Variants in RIT2 observed in about 807,000 individuals in gnomAD.
The protein encoded by RIT2 is GTP-binding protein Rit2.
Under a neutral mutation model 23.7 loss-of-function variants are expected in RIT2, and 24 were observed. That is an observed-to-expected ratio of 1.01 (90% CI 0.73 to 1.43). RIT2 has a LOEUF of 1.43. Among genes scored for constraint, RIT2 ranks in the 40% most tolerant of loss-of-function variants. The pLI is 0.00. For missense variants in RIT2, 236 were observed against 266.9 expected, an observed-to-expected ratio of 0.88 and a Z score of 0.81; for synonymous variants, 107 against 91.1, an observed-to-expected ratio of 1.17 and a Z score of -0.99.
chr18:42,923,359 A>C (rs1909099445), intron 4 of RIT2: 2 of 545,982 alleles, frequency 3.7e-6, no homozygotes, highest in Non-Finnish European at 6.5e-6. Flanking sequence ...GGGATAGGGC[A>C]CTAGTAAGGG....
chr18:42,989,802 A>G lies in RIT2; in HGVS notation c.161-15655T>C, dbSNP rs116280335. The stretch of plus-strand genomic sequence containing the variant: ...GGCCTTTTTGATTAGATGAGACAAA[A>G]TAATAATTTAAAATATAATACAAGT... On this transcript the variant is annotated intron_variant, in intron 2 of 4. Coordinates refer to ENST00000326695, the MANE Select transcript of RIT2 (RefSeq NM_002930.4). Among the ~76,000 whole-genome samples the G allele has an allele frequency of 8.1e-3, 1,232 of 152,328 alleles. 27 individuals carry two copies. The highest frequency in any genetic ancestry group is 0.028 in the African/African-American group (1,166 of 41,588).
chr18:43,112,734 T>G (rs1039346616), intron 1 of RIT2, among the ~76,000 whole-genome samples: 4 of 152,000 alleles, frequency 2.6e-5, no homozygotes, highest in African/African-American at 7.2e-5. Context: ...TGAGAGCCCA[T>G]CTCTACAAAA....
intron 4 of RIT2, among the ~76,000 whole-genome samples, chr18:42,746,812 T>A (rs1406505139): frequency 6.6e-6 from 1 of 152,030 alleles, no homozygotes; most frequent in Non-Finnish European, 1.5e-5. Context: ...AACATGATAA[T>A]CTCAATAGAT....
intron 1 of RIT2, among the ~76,000 whole-genome samples, chr18:43,101,938 G>A (rs948557446): frequency 8.5e-5 from 13 of 152,078 alleles, no homozygotes; most frequent in African/African-American, 3.1e-4. Flanking sequence ...GACAAAATAG[G>A]AAGGAAAAAC....
At position 43,057,798 on chromosome 18, in the gene RIT2, C is replaced by CTTTTTT. The variant is rs11393575; in HGVS notation, c.104-23937_104-23932dup. Among the ~76,000 whole-genome samples, 209 of 122,666 alleles carry CTTTTTT rather than the reference C, an allele frequency of 1.7e-3. 2 individuals are homozygous for CTTTTTT. Among genetic ancestry groups the CTTTTTT allele is most frequent in the Non-Finnish European group, 1.9e-3 (113 of 58,576 alleles). The allele number at this position is 122,666 out of a possible 152,430, so 80.5% of individuals were successfully genotyped here. On this transcript the variant is annotated intron_variant, in intron 1 of 4. Coordinates refer to ENST00000326695, the MANE Select transcript of RIT2 (RefSeq NM_002930.4). ...GAGCTAATCTTCCAAGTGATGGACA[C>CTTTTTT]TTTTTTTTTTTTTTTTTATCATCTA...
At chr18:42,954,488 G>T (rs1909927166) in intron 3 of RIT2, among the ~76,000 whole-genome samples, 1 of 149,876 alleles carries the variant, frequency 6.7e-6, no homozygotes, top group Admixed American at 6.7e-5. Flanking sequence ...TTCCAAAAAA[G>T]AAAATAGAGA....
intron 2 of RIT2, among the ~76,000 whole-genome samples, chr18:43,018,682 G>A (rs1911529985): frequency 6.6e-6 from 1 of 151,856 alleles, no homozygotes; most frequent in African/African-American, 2.4e-5. Context: ...AAACCTGCCA[G>A]CCAATAATAA....
chr18:43,011,551 T>C (rs1911351569), intron 2 of RIT2, among the ~76,000 whole-genome samples: 1 of 151,832 alleles, frequency 6.6e-6, no homozygotes, highest in Non-Finnish European at 1.5e-5. Flanking sequence ...ATTAAAATTA[T>C]TAAATTCTTA....
intron 4 of RIT2, among the ~76,000 whole-genome samples, chr18:42,827,447 T>C (rs535584859): frequency 6.6e-6 from 1 of 151,842 alleles, no homozygotes; most frequent in African/African-American, 2.4e-5. Flanking sequence ...ATGCACAAAA[T>C]AATGAAGATA....
chr18:42,952,726 T>A (rs1442243778), intron 3 of RIT2, among the ~76,000 whole-genome samples: 7 of 152,014 alleles, frequency 4.6e-5, no homozygotes, highest in African/African-American at 1.7e-4. Context: ...TCCAATTTTA[T>A]GAAATAAAAA....
chr18:42,836,550 A>G (rs1047104741), intron 4 of RIT2, among the ~76,000 whole-genome samples: 1 of 152,204 alleles, frequency 6.6e-6, no homozygotes, highest in African/African-American at 2.4e-5. Context: ...TTATCTCAAA[A>G]TGACAGAGGA....
intron 1 of RIT2, among the ~76,000 whole-genome samples, chr18:43,037,521 T>A (rs71352059): frequency 0.014 from 2,070 of 152,256 alleles, 20 homozygotes; most frequent in Non-Finnish European, 0.016. Flanking sequence ...ATTTAAAATT[T>A]GTTTTATTTT....
At chr18:43,103,809 T>A (rs185928975) in intron 1 of RIT2, among the ~76,000 whole-genome samples, 2 of 152,310 alleles carry the variant, frequency 1.3e-5, no homozygotes, top group Admixed American at 1.3e-4. Context: ...GTAAGATATC[T>A]TAGTTGTTTG....
At chr18:42,864,916 A>G (rs1401007776) in intron 4 of RIT2, among the ~76,000 whole-genome samples, 1 of 152,172 alleles carries the variant, frequency 6.6e-6, no homozygotes, top group Non-Finnish European at 1.5e-5. Context: ...TATGCCTTGT[A>G]TAAAAAGCCC....
At chr18:42,920,670 A>G (rs1002168793) in intron 4 of RIT2, 4 of 1,520,488 alleles carry the variant, frequency 2.6e-6, no homozygotes, top group Non-Finnish European at 2.7e-6. Context: ...CCCAAAATGC[A>G]TTAAGAATAC....
intron 4 of RIT2, among the ~76,000 whole-genome samples, chr18:42,904,193 T>C (rs1908552416): frequency 6.6e-6 from 1 of 152,198 alleles, no homozygotes; most frequent in South Asian, 2.1e-4. Flanking sequence ...TATTTCTATA[T>C]TGCATCATAA....
At chr18:42,938,972 T>C (rs1463264616) in intron 3 of RIT2, among the ~76,000 whole-genome samples, 1 of 152,036 alleles carries the variant, frequency 6.6e-6, no homozygotes, top group South Asian at 2.1e-4. Flanking sequence ...TCTCAAACTC[T>C]TGGGCTCAAG....
chr18:43,115,229 G>A (rs945911030), intron 1 of RIT2, among the ~76,000 whole-genome samples, 188 bp downstream of exon 1: 4 of 152,124 alleles, frequency 2.6e-5, no homozygotes, highest in Non-Finnish European at 1.5e-5. Flanking sequence ...CTGGCTGTCT[G>A]CATTATCCTG....
chr18:43,110,035 G>A (rs986017825), intron 1 of RIT2, among the ~76,000 whole-genome samples: 3 of 152,060 alleles, frequency 2.0e-5, no homozygotes, highest in African/African-American at 7.2e-5. Flanking sequence ...ATAGTTCTGT[G>A]CTTAGATACC....
Sources: allele counts gnomAD v4.1 joint callset (sites outside exome capture counted in the v4.1 genomes callset), GRCh38; gene constraint gnomAD v4.1.1; transcripts MANE v1.5; gene names NCBI Gene and HGNC (gene_info 2026-07-23, HGNC 2026-07-21).